PRORP: variants seen among roughly 807,000 people sequenced by gnomAD.
PRORP encodes the protein mitochondrial ribonuclease P catalytic subunit.
PRORP carries 51 observed loss-of-function variants against 59.4 expected under a neutral mutation model. The ratio of observed to expected loss-of-function variants is 0.86; its 90% CI spans 0.69 to 1.08. PRORP has a LOEUF of 1.08. PRORP is among the 50% of genes least tolerant of loss of function. The probability of loss-of-function intolerance (pLI) is 0.00; values close to 1 mark genes in which losing one functional copy is unlikely to be tolerated. For missense variants in PRORP, 646 were observed against 690.3 expected (o/e 0.94, Z 0.72); for synonymous variants, 231 against 245.6 (o/e 0.94, Z 0.55).
intron 5 of PRORP, among the ~76,000 whole-genome samples, chr14:35,206,954 C>T (rs990307121): frequency 6.6e-6 from 1 of 152,162 alleles, no homozygotes; most frequent in East Asian, 1.9e-4. Context: ...TGTAATTTAG[C>T]AGTGTTGAAA....
chr14:35,258,160 G>T (rs10047949), intron 5 of PRORP, among the ~76,000 whole-genome samples: 38,745 of 151,920 alleles, frequency 0.26, 6,470 homozygotes, highest in African/African-American at 0.47. Flanking sequence ...AAATATGTTT[G>T]TTTGTTCATT....
chr14:35,164,761 A>T (rs1376522802), intron 4 of PRORP, among the ~76,000 whole-genome samples: 3 of 152,232 alleles, frequency 2.0e-5, no homozygotes, highest in African/African-American at 7.2e-5. Context: ...GAAATACTGA[A>T]ATAAATAAAA....
intron 4 of PRORP, among the ~76,000 whole-genome samples, chr14:35,145,923 G>A (rs2047599632): frequency 2.0e-5 from 3 of 151,378 alleles, no homozygotes; most frequent in African/African-American, 7.3e-5. Context: ...CCGCCTCCCG[G>A]GTTCAAGCGA....
At position 35,127,486 on chromosome 14, in the gene PRORP, T is replaced by C; in HGVS notation, c.1042T>C (p.Cys348Arg). ...QFTTVRKSGQ[C>R]SGCGKTIESI... Reference sequence around the variant, plus strand: ...TAACAATTATAATTACAGTGGCCAGTGTTCGGGCTGTGGAAAAACCATAGA... The same window carrying C: ...TAACAATTATAATTACAGTGGCCAGCGTTCGGGCTGTGGAAAAACCATAGA... The change falls in exon 4 of 8, where the codon TGT (cysteine) becomes CGT (arginine). Residue 348 changes from cysteine (C) to arginine (R), a missense_variant. Coordinates refer to ENST00000534898, the MANE Select transcript of PRORP (RefSeq NM_014672.4). The C allele has an allele frequency of 1.2e-6, 2 of 1,601,704 alleles. No individual in the cohort carries two copies. The highest frequency in any genetic ancestry group is 8.5e-7 in the Non-Finnish European group (1 of 1,173,772).
At chr14:35,253,629 C>A (rs899271516) in intron 5 of PRORP, among the ~76,000 whole-genome samples, 4 of 152,134 alleles carry the variant, frequency 2.6e-5, no homozygotes, top group African/African-American at 9.7e-5. Context: ...AGGGAACCAA[C>A]TGAAATCTCA....
intron 2 of PRORP, among the ~76,000 whole-genome samples, chr14:35,125,140 C>T (rs187507247): frequency 6.4e-4 from 98 of 152,204 alleles, no homozygotes; most frequent in African/African-American, 1.9e-3. Flanking sequence ...GGATTACAGG[C>T]GTGAACCACC....
chr14:35,166,166 C>G (rs554382602), intron 4 of PRORP, among the ~76,000 whole-genome samples: 1 of 152,206 alleles, frequency 6.6e-6, no homozygotes, highest in South Asian at 2.1e-4. Flanking sequence ...TTCTTCTGCA[C>G]TGAAGTAGAA....
At chr14:35,157,627 T>C (rs1195507780) in intron 4 of PRORP, among the ~76,000 whole-genome samples, 5 of 152,176 alleles carry the variant, frequency 3.3e-5, no homozygotes, top group Admixed American at 1.3e-4. Flanking sequence ...TGACCTCAAG[T>C]GATCTGCCTG....
At chr14:35,213,254 CA>C (rs1392715597) in intron 5 of PRORP, among the ~76,000 whole-genome samples, 1 of 152,086 alleles carries the variant, frequency 6.6e-6, no homozygotes, top group African/African-American at 2.4e-5. Context: ...TGTTCACTGG[CA>C]TAACACTTTA....
At chr14:35,168,141 C>G (rs1023512424) in intron 4 of PRORP, among the ~76,000 whole-genome samples, 1 of 152,158 alleles carries the variant, frequency 6.6e-6, no homozygotes, top group Non-Finnish European at 1.5e-5. Context: ...ATAAATGGGA[C>G]TGCTCAGTTA....
At chr14:35,128,030 T>C (rs1226698161) in intron 4 of PRORP, among the ~76,000 whole-genome samples, 1 of 152,266 alleles carries the variant, frequency 6.6e-6, no homozygotes, top group Non-Finnish European at 1.5e-5. Context: ...TAGACTGCCA[T>C]GAAAACATTG....
chr14:35,155,556 T>C (rs1005801915), intron 4 of PRORP, among the ~76,000 whole-genome samples: 4 of 93,386 alleles, frequency 4.3e-5, no homozygotes, highest in Non-Finnish European at 9.5e-5. Context: ...ACCTGGTGTC[T>C]ATTTAAAAAA....
chr14:35,255,986 C>G (rs976166745), intron 5 of PRORP, among the ~76,000 whole-genome samples: 1 of 151,780 alleles, frequency 6.6e-6, no homozygotes, highest in East Asian at 1.9e-4. Context: ...TATTTTACAA[C>G]AAGAAAAGAT....
chr14:35,243,687 G>A (rs980802329), intron 5 of PRORP, among the ~76,000 whole-genome samples: 3 of 152,192 alleles, frequency 2.0e-5, no homozygotes, highest in African/African-American at 2.4e-5. Flanking sequence ...TCGAAACCTA[G>A]TTCTGCTACT....
chr14:35,124,625 A>G (rs1184287465), intron 2 of PRORP, among the ~76,000 whole-genome samples: 1 of 150,936 alleles, frequency 6.6e-6, no homozygotes, highest in Non-Finnish European at 1.5e-5. Flanking sequence ...CCCATCACAT[A>G]AAACTGAAAT....
chr14:35,263,949 CT>C (rs879706511), intron 5 of PRORP, among the ~76,000 whole-genome samples: 219 of 143,140 alleles, frequency 1.5e-3, no homozygotes, highest in Non-Finnish European at 1.4e-3. Flanking sequence ...TGTGTCCATT[CT>C]TTTTTTTTTT....
At chr14:35,265,830 T>C (rs2051023157) in intron 5 of PRORP, among the ~76,000 whole-genome samples, 2 of 152,022 alleles carry the variant, frequency 1.3e-5, no homozygotes, top group South Asian at 4.1e-4. Context: ...ATCCCATCCC[T>C]CTTGAGCCTC....
At chr14:35,255,294 AT>A (rs2050722703) in intron 5 of PRORP, among the ~76,000 whole-genome samples, 1 of 150,824 alleles carries the variant, frequency 6.6e-6, no homozygotes, top group South Asian at 2.1e-4. Flanking sequence ...CGCCTGGCTA[AT>A]TTTTTTGTAT....
intron 4 of PRORP, among the ~76,000 whole-genome samples, chr14:35,171,608 TG>T (rs2138994979): frequency 6.6e-6 from 1 of 152,316 alleles, no homozygotes; most frequent in South Asian, 2.1e-4. Flanking sequence ...TTTACTATGA[TG>T]TGCCTAGTTA....
Sources: allele counts gnomAD v4.1 joint callset (sites outside exome capture counted in the v4.1 genomes callset), GRCh38; gene constraint gnomAD v4.1.1; transcripts MANE v1.5; gene names NCBI Gene and HGNC (gene_info 2026-07-23, HGNC 2026-07-21).